IL1RAPL1: variants seen among roughly 807,000 people sequenced by gnomAD.
The protein encoded by IL1RAPL1 is interleukin-1 receptor accessory protein-like 1.
In IL1RAPL1, 3 loss-of-function variants were observed where a neutral mutation model predicts 48.4. That is an observed-to-expected ratio of 0.06 (90% CI 0.03 to 0.16). The LOEUF (loss-of-function observed/expected upper bound fraction) is 0.16, where lower values mean the gene tolerates loss of function less well. Ranked by LOEUF, IL1RAPL1 falls within the 10% of genes least tolerant of loss-of-function variation. IL1RAPL1 has a pLI of 1.00. For missense variants in IL1RAPL1, 349 were observed against 530.6 expected (o/e 0.66, Z 3.36); for synonymous variants, 185 against 187.7 (o/e 0.99, Z 0.12).
intron 3 of IL1RAPL1, among the ~76,000 whole-genome samples, chrX:29,360,391 G>A (rs1933360351): frequency 9.0e-6 from 1 of 111,698 alleles, no homozygotes; most frequent in South Asian, 3.7e-4. Context: ...TTGGTTAACT[G>A]TGTTTCTTAG....
At chrX:29,892,078 A>G (rs1231132519) in intron 6 of IL1RAPL1, among the ~76,000 whole-genome samples, 1 of 112,219 alleles carries the variant, frequency 8.9e-6, no homozygotes, top group African/African-American at 3.2e-5. Flanking sequence ...TTTTGATTAC[A>G]TATCACGTTT....
chrX:29,677,475 A>G (rs1418338564), intron 6 of IL1RAPL1, among the ~76,000 whole-genome samples: 5 of 112,423 alleles, frequency 4.4e-5, no homozygotes, highest in Non-Finnish European at 9.4e-5. Context: ...ATTTATATGC[A>G]TAAAGGAAAT....
chrX:29,092,468 G>A (rs1347855207), intron 2 of IL1RAPL1, among the ~76,000 whole-genome samples: 1 of 111,333 alleles, frequency 9.0e-6, no homozygotes, highest in Non-Finnish European at 1.9e-5. Context: ...ATTACTAACT[G>A]TGGTTTATAC....
At chrX:29,414,528 G>A (rs924476830) in intron 5 of IL1RAPL1, among the ~76,000 whole-genome samples, 3 of 110,605 alleles carry the variant, frequency 2.7e-5, no homozygotes, top group Admixed American at 9.7e-5. Context: ...AGACCAGCCT[G>A]GGCAACATGG....
Position 29,425,281 on chromosome X carries a change from G to C in IL1RAPL1, c.703+25973G>C, listed in dbSNP as rs187084991. ...AACAGAAAGTCCAAGTTTGGATATG[G>C]TGCACAAGAAACAACAGCAGCCAAT... On this transcript the variant is annotated intron_variant, in intron 5 of 10. Coordinates refer to ENST00000378993, the MANE Select transcript of IL1RAPL1 (RefSeq NM_014271.4). Among the ~76,000 whole-genome samples the C allele has an allele frequency of 8.9e-5, 10 of 112,183 alleles. No individual in the cohort carries two copies. In the East Asian group the frequency reaches 2.5e-3, roughly 28 times the overall value.
intron 3 of IL1RAPL1, among the ~76,000 whole-genome samples, chrX:29,357,500 T>G (rs1296941012): frequency 3.6e-5 from 4 of 112,486 alleles, no homozygotes; most frequent in Non-Finnish European, 7.5e-5. Flanking sequence ...TTTCCACTAT[T>G]TTTCTTTTTC....
At chrX:29,350,614 G>A (rs1383110842) in intron 3 of IL1RAPL1, among the ~76,000 whole-genome samples, 5 of 17 alleles carry the variant, frequency 0.29, no homozygotes, top group Non-Finnish European at 0.29. Context: ...GTGTGCATGC[G>A]TGCACACCAC....
intron 2 of IL1RAPL1, among the ~76,000 whole-genome samples, chrX:28,915,028 G>T (rs1336846244): frequency 2.7e-5 from 3 of 111,611 alleles, no homozygotes; most frequent in African/African-American, 9.8e-5. Context: ...GACAGATGAT[G>T]GGGGGCAGGG....
At chrX:29,850,258 G>A (rs924015013) in intron 6 of IL1RAPL1, among the ~76,000 whole-genome samples, 6 of 111,956 alleles carry the variant, frequency 5.4e-5, no homozygotes, top group Non-Finnish European at 1.1e-4. Context: ...CTGTCAAGGG[G>A]ATCAGTGTTT....
At chrX:28,740,585 G>T (rs1053783210) in intron 1 of IL1RAPL1, among the ~76,000 whole-genome samples, 1 of 110,592 alleles carries the variant, frequency 9.0e-6, no homozygotes, top group Non-Finnish European at 1.9e-5. Flanking sequence ...CTGGATTTTG[G>T]TGTAAAAATG....
At chrX:29,745,241 C>T (rs1211343957) in intron 6 of IL1RAPL1, among the ~76,000 whole-genome samples, 2 of 109,987 alleles carry the variant, frequency 1.8e-5, no homozygotes, top group African/African-American at 3.3e-5. Context: ...AGTCCAATTC[C>T]CTGTAAGTCA....
intron 6 of IL1RAPL1, among the ~76,000 whole-genome samples, chrX:29,866,068 G>C (rs1931689869): frequency 9.0e-6 from 1 of 111,358 alleles, no homozygotes; most frequent in African/African-American, 3.3e-5. Context: ...AATTAATATA[G>C]AGCACTCTGC....
chrX:29,080,743 AC>A (rs2147447389), intron 2 of IL1RAPL1, among the ~76,000 whole-genome samples: 1 of 102,972 alleles, frequency 9.7e-6, no homozygotes, highest in South Asian at 4.3e-4. Flanking sequence ...CCAAGCAAAT[AC>A]TTTTTTTTTT....
intron 5 of IL1RAPL1, among the ~76,000 whole-genome samples, chrX:29,487,932 A>C (rs1935113859): frequency 8.9e-6 from 1 of 111,778 alleles, no homozygotes; most frequent in African/African-American, 3.3e-5. Flanking sequence ...TTCTTCTCTT[A>C]TGTCCCTTTA....
At chrX:29,459,346 T>C (rs754429661) in intron 5 of IL1RAPL1, among the ~76,000 whole-genome samples, 2 of 111,802 alleles carry the variant, frequency 1.8e-5, no homozygotes, top group Non-Finnish European at 3.8e-5. Context: ...TTTGTTCATG[T>C]TTTAGAGTTT....
chrX:29,734,458 C>T (rs977686124), intron 6 of IL1RAPL1, among the ~76,000 whole-genome samples: 2 of 111,817 alleles, frequency 1.8e-5, no homozygotes, highest in African/African-American at 3.3e-5. Flanking sequence ...CAGGACAGGA[C>T]GCGGTACAGA....
At chrX:29,568,605 A>G (rs892308402) in intron 5 of IL1RAPL1, among the ~76,000 whole-genome samples, 1 of 111,277 alleles carries the variant, frequency 9.0e-6, no homozygotes, top group Non-Finnish European at 1.9e-5. Flanking sequence ...TAAATTATAC[A>G]TGGAGATCAA....
At chrX:28,689,725 C>T (rs1250832205) in intron 1 of IL1RAPL1, among the ~76,000 whole-genome samples, 1 of 111,671 alleles carries the variant, frequency 9.0e-6, no homozygotes, top group Non-Finnish European at 1.9e-5. Context: ...ACTTGAGGAC[C>T]TTAATAACAA....
intron 5 of IL1RAPL1, among the ~76,000 whole-genome samples, chrX:29,634,626 G>GGTGATGGT (rs1924905857): frequency 9.0e-6 from 1 of 111,250 alleles, no homozygotes; most frequent in Non-Finnish European, 1.9e-5. Flanking sequence ...GTGTGGGTGT[G>GGTGATGGT]GTGATGGTGG....
Sources: allele counts gnomAD v4.1 joint callset (sites outside exome capture counted in the v4.1 genomes callset), GRCh38; gene constraint gnomAD v4.1.1; transcripts MANE v1.5; gene names NCBI Gene and HGNC (gene_info 2026-07-23, HGNC 2026-07-21).